The following CCDC62 variants were observed in gnomAD, a reference collection of about 807,000 sequenced individuals.
CCDC62 encodes the protein coiled-coil domain-containing protein 62.
Under a neutral mutation model 80.8 loss-of-function variants are expected in CCDC62, and 72 were observed. The observed-to-expected ratio is 0.89, with a 90% CI of 0.74 to 1.08. The LOEUF is 1.08. Ranked by LOEUF, CCDC62 falls within the 50% of genes least tolerant of loss-of-function variation. The pLI, the probability that CCDC62 is intolerant of heterozygous loss-of-function variation, is 0.00. For missense variants in CCDC62, 704 were observed against 809.4 expected, an observed-to-expected ratio of 0.87 and a Z score of 1.58; for synonymous variants, 286 against 296.5, an observed-to-expected ratio of 0.96 and a Z score of 0.36.
At chr12:122,820,621 A>G (rs563911319) in intron 11 of CCDC62, among the ~76,000 whole-genome samples, 1 of 152,176 alleles carries the variant, frequency 6.6e-6, no homozygotes, top group Non-Finnish European at 1.5e-5. Flanking sequence ...AGGCAGGCAG[A>G]TCACCTGAGG....
intron 12 of CCDC62, 86 bp from the exon 13 acceptor site, chr12:122,826,335 AT>A: frequency 1.4e-6 from 1 of 721,186 alleles, no homozygotes. Flanking sequence ...TAGAGTTAAT[AT>A]TTTAGACGCC....
chr12:122,825,735 C>G (rs548021710), intron 12 of CCDC62, among the ~76,000 whole-genome samples: 5 of 150,048 alleles, frequency 3.3e-5, no homozygotes, highest in Non-Finnish European at 5.9e-5. Flanking sequence ...CCTGTAATCT[C>G]AGCACTTTGG....
intron 3 of CCDC62, among the ~76,000 whole-genome samples, chr12:122,782,957 A>C (rs1411385654): frequency 1.3e-5 from 2 of 151,264 alleles, no homozygotes; most frequent in African/African-American, 4.8e-5. Context: ...AAATTCAAAA[A>C]TTAACCAGGT....
chr12:122,805,208 T>TG (rs2031528399), intron 9 of CCDC62, among the ~76,000 whole-genome samples: 1 of 148,044 alleles, frequency 6.8e-6, no homozygotes, highest in Non-Finnish European at 1.5e-5. Flanking sequence ...TTTTTTTTTT[T>TG]TGTGAGAATT....
chr12:122,796,165 T>A (rs866593832), intron 6 of CCDC62, among the ~76,000 whole-genome samples: 127 of 150,900 alleles, frequency 8.4e-4, no homozygotes, highest in Admixed American at 2.3e-3. Context: ...ATACATATAT[T>A]TTTTTTTTCT....
intron 6 of CCDC62, among the ~76,000 whole-genome samples, chr12:122,794,088 G>A (rs1016521849): frequency 3.9e-5 from 6 of 152,256 alleles, no homozygotes; most frequent in South Asian, 4.1e-4. Flanking sequence ...TAAAGGATAC[G>A]TTAGTCTCTT....
intron 4 of CCDC62, 64 bp downstream of exon 4, chr12:122,785,884 T>A (rs2030189216): frequency 9.1e-7 from 1 of 1,093,784 alleles, no homozygotes; most frequent in Admixed American, 1.8e-5. Context: ...ATATTCATTA[T>A]CTTACCTAAG....
chr12:122,788,854 A>T lies in CCDC62; in HGVS notation c.595A>T (p.Thr199Ser). Residue 199 changes from threonine (T) to serine (S), a missense_variant, in exon 5 of 13, where the codon ACT becomes TCT. Transcript: ENST00000253079. The stretch of plus-strand genomic sequence containing the variant: ...CCTACGTGATGCCAAGATGGCGGAG[A>T]CTTGTATTGTGAAAGAAAAGCAAGA... ...HALRDAKMAE[T>S]CIVKEKQDYK... is the part of the protein sequence containing the mutation. The T allele has an allele frequency of 6.2e-7, 1 of 1,611,484 alleles. No homozygotes were observed. Among genetic ancestry groups the T allele is most frequent in the East Asian group, 2.2e-5 (1 of 44,820 alleles).
At chr12:122,816,501 G>A (rs1374785695) in intron 11 of CCDC62, among the ~76,000 whole-genome samples, 1 of 152,164 alleles carries the variant, frequency 6.6e-6, no homozygotes, top group Non-Finnish European at 1.5e-5. Context: ...CAAAGCAGAT[G>A]GATCACTTGA....
chr12:122,791,005 C>T (rs866979726), intron 5 of CCDC62, among the ~76,000 whole-genome samples: 7 of 152,100 alleles, frequency 4.6e-5, no homozygotes, highest in South Asian at 4.1e-4. Flanking sequence ...AAGGAGGGAA[C>T]GGCGGTGGGG....
chr12:122,826,346 C>T (rs1206021059), intron 12 of CCDC62, 76 bp from the exon 13 acceptor site: 3 of 745,696 alleles, frequency 4.0e-6, no homozygotes, highest in African/African-American at 1.7e-5. Flanking sequence ...TTTTAGACGC[C>T]AGGAGCTTAT....
At chr12:122,790,276 C>G (rs1239270321) in intron 5 of CCDC62, among the ~76,000 whole-genome samples, 1 of 152,134 alleles carries the variant, frequency 6.6e-6, no homozygotes, top group Admixed American at 6.6e-5. Context: ...GTCTCAAACT[C>G]CTGAGCTTGT....
intron 8 of CCDC62, among the ~76,000 whole-genome samples, chr12:122,798,994 T>C (rs1184735628): frequency 6.6e-6 from 1 of 151,430 alleles, no homozygotes; most frequent in Non-Finnish European, 1.5e-5. Flanking sequence ...GCAGGAGGAT[T>C]GCTGGAACCC....
At chr12:122,805,343 CTT>C (rs56167273) in intron 9 of CCDC62, among the ~76,000 whole-genome samples, 30 of 105,124 alleles carry the variant, frequency 2.9e-4, no homozygotes, top group East Asian at 5.9e-4. Context: ...TGTCTTAATT[CTT>C]TTTTTTTTTT....
At chr12:122,776,207 C>T (rs1024864858) in intron 1 of CCDC62, among the ~76,000 whole-genome samples, 8 of 152,126 alleles carry the variant, frequency 5.3e-5, no homozygotes, top group African/African-American at 1.9e-4. Flanking sequence ...CAGTTGCTAT[C>T]GTTTTACAGG....
intron 2 of CCDC62, among the ~76,000 whole-genome samples, chr12:122,779,695 G>T (rs1879703041): frequency 6.6e-6 from 1 of 151,788 alleles, no homozygotes. Context: ...ATCACCTGAG[G>T]TCAAGGGTTC....
chr12:122,778,609 G>T (rs1879628924), intron 2 of CCDC62, among the ~76,000 whole-genome samples: 1 of 152,134 alleles, frequency 6.6e-6, no homozygotes, highest in Admixed American at 6.6e-5. Flanking sequence ...GTGGGGTGCG[G>T]TGGCTCATGC....
At chr12:122,775,529 G>A (rs548231608) in intron 1 of CCDC62, among the ~76,000 whole-genome samples, 2 of 152,300 alleles carry the variant, frequency 1.3e-5, no homozygotes, top group Non-Finnish European at 2.9e-5. Flanking sequence ...CCCAACACTG[G>A]AATTCAAGCC....
chr12:122,797,433 T>C lies in CCDC62; in HGVS notation c.861+38T>C, dbSNP rs763839222. ...TCATCCTTCTCTGTCACATAAGAAATGTTTGTAAACAAATAGCAAATTAGG... is the reference window on the plus strand; with the variant it reads ...TCATCCTTCTCTGTCACATAAGAAACGTTTGTAAACAAATAGCAAATTAGG... On this transcript the variant is annotated intron_variant, in intron 7 of 12. Coordinates refer to ENST00000253079, the MANE Select transcript of CCDC62 (RefSeq NM_201435.5). 6 of 1,162,088 alleles carry C rather than the reference T, an allele frequency of 5.2e-6. No homozygotes were observed. In the South Asian group the frequency reaches 7.7e-5, roughly 15 times the overall value. 72.0% of individuals were successfully genotyped at this position (1,162,088 alleles called of 1,614,324 possible).
Sources: gnomAD v4.1 joint callset for allele counts (sites outside exome capture counted in the v4.1 genomes callset) on GRCh38, gnomAD v4.1.1 for gene constraint, MANE v1.5 for transcripts, NCBI Gene and HGNC (gene_info 2026-07-23, HGNC 2026-07-21) for gene names.